MIS18A: variants seen among roughly 807,000 people sequenced by gnomAD.
MIS18A encodes the protein protein Mis18-alpha.
In MIS18A, 14 loss-of-function variants were observed where a neutral mutation model predicts 25.0. The ratio of observed to expected loss-of-function variants is 0.56; its 90% CI spans 0.37 to 0.88. MIS18A has a LOEUF of 0.88. Among genes scored for constraint, MIS18A ranks in the 40% least tolerant of loss-of-function variants. MIS18A has a pLI of 0.00. For missense variants in MIS18A, 292 were observed against 290.8 expected (o/e 1.00, Z -0.03); for synonymous variants, 134 against 118.6 (o/e 1.13, Z -0.84).
At chr21:32,191,776 G>A in the MIS18A span, among the ~76,000 whole-genome samples, 5 of 151,750 alleles carry the variant, frequency 3.3e-5, no homozygotes, top group African/African-American at 1.2e-4. Flanking sequence ...GTTGTGGCGG[G>A]TGCCTGTAAT....
At chr21:32,267,102 C>G (rs1427058085), downstream of MIS18A, among the ~76,000 whole-genome samples, 2 of 152,224 alleles carry the variant, frequency 1.3e-5, no homozygotes, top group African/African-American at 4.8e-5. Context: ...CCTCTCCTGC[C>G]AGTGTCACCA....
At chr21:32,278,636 A>G (rs752748316) in intron 1 of MIS18A, 45 bp downstream of exon 1, 7 of 1,459,550 alleles carry the variant, frequency 4.8e-6, no homozygotes, top group South Asian at 1.4e-5. Context: ...CACCCCTGGA[A>G]GAAGGCGACC....
the MIS18A span, among the ~76,000 whole-genome samples, chr21:32,174,589 T>C: frequency 2.0e-5 from 3 of 152,152 alleles, no homozygotes; most frequent in East Asian, 5.8e-4. Context: ...CAACAAAACT[T>C]GCATGTGTTT....
chr21:32,267,686 A>C (rs1423561914), downstream of MIS18A, among the ~76,000 whole-genome samples: 4 of 152,170 alleles, frequency 2.6e-5, no homozygotes, highest in Admixed American at 2.6e-4. Flanking sequence ...TTGTGGCTAA[A>C]ATACTCTCTC....
At chr21:32,265,583 G>A (rs571997360), downstream of MIS18A, among the ~76,000 whole-genome samples, 2 of 152,350 alleles carry the variant, frequency 1.3e-5, no homozygotes, top group East Asian at 3.9e-4. Context: ...CAGGGCTCAG[G>A]ACCTGCAGCC....
the MIS18A span, among the ~76,000 whole-genome samples, chr21:32,189,072 A>AACTCCCTC: frequency 6.6e-6 from 1 of 152,270 alleles, no homozygotes; most frequent in East Asian, 1.9e-4. Flanking sequence ...TTTCTGGACA[A>AACTCCCTC]ACTCCCTCAG....
At chr21:32,182,406 C>A in the MIS18A span, among the ~76,000 whole-genome samples, 7 of 152,316 alleles carry the variant, frequency 4.6e-5, no homozygotes, top group South Asian at 2.1e-4. Flanking sequence ...GCATCCCCCC[C>A]ACAAACACAC....
the MIS18A span, among the ~76,000 whole-genome samples, chr21:32,262,105 C>T: frequency 6.6e-6 from 1 of 152,194 alleles, no homozygotes; most frequent in Non-Finnish European, 1.5e-5. Context: ...GGACTTCAGG[C>T]AATTTAAAGT....
the MIS18A span, among the ~76,000 whole-genome samples, chr21:32,255,061 A>G: frequency 6.6e-6 from 1 of 152,206 alleles, no homozygotes; most frequent in Non-Finnish European, 1.5e-5. Context: ...TGTCCTTTTT[A>G]TAATTATATG....
the MIS18A span, among the ~76,000 whole-genome samples, chr21:32,158,844 C>T: frequency 2.0e-5 from 3 of 151,628 alleles, no homozygotes; most frequent in African/African-American, 7.3e-5. Flanking sequence ...TTTTACTAAC[C>T]TTATGACTTA....
At position 32,278,859 on chromosome 21, in the gene MIS18A, C is replaced by G; in HGVS notation, c.156G>C (p.Trp52Cys). The change falls in exon 1 of 5, where the codon TGG (tryptophan) becomes TGC (cysteine). Residue 52 changes from tryptophan (W) to cysteine (C), a missense_variant. Coordinates refer to ENST00000290130, the MANE Select transcript of MIS18A (RefSeq NM_018944.3). ...HQLLQKWASM[W>C]SSMSEDASVA... Reference sequence around the variant, plus strand: ...CCGACGCGTCTTCGCTCATGGAGCTCCACATGCTCGCCCACTTCTGCAACA... The same window carrying G: ...CCGACGCGTCTTCGCTCATGGAGCTGCACATGCTCGCCCACTTCTGCAACA... The G allele has an allele frequency of 6.2e-7, 1 of 1,612,610 alleles. No individual in the cohort carries two copies. Among genetic ancestry groups the G allele is most frequent in the Non-Finnish European group, 8.5e-7 (1 of 1,179,646 alleles).
the MIS18A span, among the ~76,000 whole-genome samples, chr21:32,219,051 G>A: frequency 2.0e-5 from 3 of 147,400 alleles, no homozygotes; most frequent in East Asian, 5.9e-4. Flanking sequence ...CTGGGTGACA[G>A]AGTGAGACTC....
chr21:32,176,923 G>A, the MIS18A span, among the ~76,000 whole-genome samples: 1 of 152,050 alleles, frequency 6.6e-6, no homozygotes, highest in Non-Finnish European at 1.5e-5. Context: ...GGGTACCAAA[G>A]CGTGATGAAG....
the MIS18A span, among the ~76,000 whole-genome samples, chr21:32,200,061 G>A: frequency 1.3e-5 from 2 of 152,192 alleles, no homozygotes; most frequent in Admixed American, 1.3e-4. Flanking sequence ...AGTTGCCTGA[G>A]GCTGAGGTCA....
the MIS18A span, among the ~76,000 whole-genome samples, chr21:32,188,945 C>A: frequency 6.6e-6 from 1 of 152,132 alleles, no homozygotes; most frequent in Non-Finnish European, 1.5e-5. Flanking sequence ...CCCAATCAAA[C>A]GATTTTTATA....
At chr21:32,211,532 C>T in the MIS18A span, among the ~76,000 whole-genome samples, 3 of 152,314 alleles carry the variant, frequency 2.0e-5, no homozygotes, top group South Asian at 6.2e-4. Flanking sequence ...ATGGCTATCA[C>T]CTCCTTATGA....
At chr21:32,163,230 C>T in the MIS18A span, among the ~76,000 whole-genome samples, 2 of 152,154 alleles carry the variant, frequency 1.3e-5, no homozygotes, top group Non-Finnish European at 2.9e-5. Flanking sequence ...TAATTAATGA[C>T]CATGTTTGCC....
chr21:32,194,349 T>C, the MIS18A span, among the ~76,000 whole-genome samples: 1 of 152,078 alleles, frequency 6.6e-6, no homozygotes, highest in Non-Finnish European at 1.5e-5. Flanking sequence ...ATGATATATA[T>C]ATATAGTAGA....
At chr21:32,248,576 C>G in the MIS18A span, among the ~76,000 whole-genome samples, 2 of 152,242 alleles carry the variant, frequency 1.3e-5, no homozygotes, top group Middle Eastern at 3.2e-3. Context: ...CACAGGTAAA[C>G]AAAACCAGTG....
Sources: allele counts gnomAD v4.1 joint callset (sites outside exome capture counted in the v4.1 genomes callset), GRCh38; gene constraint gnomAD v4.1.1; transcripts MANE v1.5; gene names NCBI Gene and HGNC (gene_info 2026-07-23, HGNC 2026-07-21).